Variants in LHFPL6 observed in about 807,000 individuals in gnomAD.
LHFPL6 encodes the protein LHFPL tetraspan subfamily member 6, also known as LHFPL tetraspan subfamily member 6 protein.
LHFPL6 carries 9 observed loss-of-function variants against 20.6 expected under a neutral mutation model. That is an observed-to-expected ratio of 0.44 (90% CI 0.26 to 0.76). The LOEUF (loss-of-function observed/expected upper bound fraction) is 0.76. LHFPL6 is among the 30% of genes least tolerant of loss of function. LHFPL6 has a pLI of 0.20. For synonymous variants in LHFPL6, 105 were observed against 98.7 expected (o/e 1.06, Z -0.38); for missense variants, 218 against 253.5 (o/e 0.86, Z 0.95).
chr13:39,381,412 C>T (rs1870432814), intron 2 of LHFPL6, among the ~76,000 whole-genome samples: 1 of 152,156 alleles, frequency 6.6e-6, no homozygotes, highest in Non-Finnish European at 1.5e-5. Context: ...GATACTGTAA[C>T]CAGGGACCTT....
chr13:39,546,859 C>T (rs1870997145), intron 2 of LHFPL6, among the ~76,000 whole-genome samples: 1 of 152,058 alleles, frequency 6.6e-6, no homozygotes, highest in Non-Finnish European at 1.5e-5. Context: ...TCTCAAATCC[C>T]GTGCTGCACC....
At chr13:39,589,918 T>C (rs1382973333) in intron 2 of LHFPL6, among the ~76,000 whole-genome samples, 2 of 152,198 alleles carry the variant, frequency 1.3e-5, no homozygotes, top group Non-Finnish European at 2.9e-5. Context: ...GGCAAAAAGT[T>C]ACTATATCAT....
rs34788149 is a variant in LHFPL6, at chr13:39,431,717, TGG to T, written c.386-53193_386-53192del. ...TAAGCCAAAAGCCCTGTAGAATTTGTGGGGGGGGGGGGCTTCCTCTCATATTC... is the reference window on the plus strand; with the variant it reads ...TAAGCCAAAAGCCCTGTAGAATTTGTGGGGGGGGGGCTTCCTCTCATATTC... On this transcript the variant is annotated intron_variant, in intron 2 of 3. Transcript: ENST00000379589. Among the ~76,000 whole-genome samples, 958 of 95,960 alleles carry T rather than the reference TGG, an allele frequency of 1.0e-2. 44 individuals carry two copies. The highest frequency in any genetic ancestry group is 0.035 in the African/African-American group (868 of 24,476). The allele number at this position is 95,960 out of a possible 152,430, so 63.0% of individuals were successfully genotyped here. A position where few individuals can be genotyped will look rare whatever the true frequency, so the allele number is the denominator to read the frequency against.
At chr13:39,602,052 G>C (rs1354511100) in intron 1 of LHFPL6, among the ~76,000 whole-genome samples, 1 of 152,076 alleles carries the variant, frequency 6.6e-6, no homozygotes, top group Non-Finnish European at 1.5e-5. Flanking sequence ...CTGCAGTTTT[G>C]ATTCATTGAT....
At chr13:39,553,003 A>C (rs1333494078) in intron 2 of LHFPL6, among the ~76,000 whole-genome samples, 4 of 152,224 alleles carry the variant, frequency 2.6e-5, no homozygotes, top group African/African-American at 9.6e-5. Flanking sequence ...TCTGAATAAA[A>C]GAGAAAAAAA....
At chr13:39,553,168 T>C (rs1202413736) in intron 2 of LHFPL6, among the ~76,000 whole-genome samples, 1 of 152,202 alleles carries the variant, frequency 6.6e-6, no homozygotes, top group African/African-American at 2.4e-5. Flanking sequence ...TTAGTCTTCA[T>C]GGGAAAGCAC....
At chr13:39,381,570 C>T (rs1870437078) in intron 2 of LHFPL6, among the ~76,000 whole-genome samples, 1 of 152,142 alleles carries the variant, frequency 6.6e-6, no homozygotes, top group Non-Finnish European at 1.5e-5. Flanking sequence ...AACCCCATGG[C>T]AGAATCCTCC....
At chr13:39,555,201 C>A (rs1333987063) in intron 2 of LHFPL6, among the ~76,000 whole-genome samples, 2 of 152,098 alleles carry the variant, frequency 1.3e-5, no homozygotes, top group African/African-American at 4.8e-5. Context: ...GAATCAGGAC[C>A]CAGAGGTGCT....
At chr13:39,555,476 C>A (rs914444364) in intron 2 of LHFPL6, among the ~76,000 whole-genome samples, 3 of 152,180 alleles carry the variant, frequency 2.0e-5, no homozygotes, top group Admixed American at 2.0e-4. Flanking sequence ...TAACAACAAA[C>A]ACGGTGACTC....
intron 2 of LHFPL6, among the ~76,000 whole-genome samples, chr13:39,443,631 C>A (rs1872200596): frequency 6.6e-6 from 1 of 151,978 alleles, no homozygotes; most frequent in Non-Finnish European, 1.5e-5. Flanking sequence ...CTTAACTGGT[C>A]ATGGTCAGAA....
In LHFPL6 at chr13:39,480,122, G is replaced by A. The variant is rs576253392; in HGVS notation, c.386-101596C>T. On this transcript the variant is annotated intron_variant, in intron 2 of 3. Transcript: ENST00000379589. ...CATGAATAACCCCCATTAATATTTT[G>A]GCACAGATTCTTCCATGTGCCAGTT... Among the ~76,000 whole-genome samples, 10 of 152,176 alleles carry A rather than the reference G, an allele frequency of 6.6e-5. No homozygotes were observed. The East Asian group carries it at 1.9e-3, about 29-fold the overall frequency.
chr13:39,381,158 A>G (rs1355560353), intron 2 of LHFPL6, among the ~76,000 whole-genome samples: 1 of 152,196 alleles, frequency 6.6e-6, no homozygotes, highest in Non-Finnish European at 1.5e-5. Flanking sequence ...GACTTAAGCC[A>G]TCAGTAATTT....
intron 2 of LHFPL6, among the ~76,000 whole-genome samples, chr13:39,545,434 A>T (rs1479198252): frequency 1.3e-5 from 2 of 152,028 alleles, no homozygotes; most frequent in African/African-American, 4.8e-5. Context: ...ACAGACAGTA[A>T]GTGGCTCTGA....
In LHFPL6 at chr13:39,512,367, C is replaced by T. The variant is rs573659651; in HGVS notation, c.385+88465G>A. On this transcript the variant is annotated intron_variant, in intron 2 of 3. Transcript: ENST00000379589. The stretch of plus-strand genomic sequence containing the variant: ...CCTGTAATCCCAGCACTTTGGGAGG[C>T]GGAGGCGTGTGGATCACGAGGTCAG... 2.1e-4 allele frequency among the ~76,000 whole-genome samples: 32 copies of T among 152,242 alleles called. 1 individual carries two copies. In the South Asian group the frequency reaches 6.4e-3, roughly 31 times the overall value.
intron 2 of LHFPL6, among the ~76,000 whole-genome samples, chr13:39,530,589 G>A (rs1317706046): frequency 6.6e-6 from 1 of 152,060 alleles, no homozygotes; most frequent in African/African-American, 2.4e-5. Flanking sequence ...TGCACAACTC[G>A]TAAGTCCTAA....
chr13:39,449,317 T>C (rs1007779836), intron 2 of LHFPL6, among the ~76,000 whole-genome samples: 2 of 152,212 alleles, frequency 1.3e-5, no homozygotes, highest in Admixed American at 1.3e-4. Context: ...GACAAATTAA[T>C]AAAGTAATAT....
At chr13:39,385,070 G>C (rs1566099314) in intron 2 of LHFPL6, among the ~76,000 whole-genome samples, 2 of 152,192 alleles carry the variant, frequency 1.3e-5, no homozygotes, top group Non-Finnish European at 2.9e-5. Context: ...GGGGTCATAA[G>C]TCAATCACAA....
chr13:39,489,019 C>CCA (rs1347336695), intron 2 of LHFPL6, among the ~76,000 whole-genome samples: 2 of 152,172 alleles, frequency 1.3e-5, no homozygotes, highest in African/African-American at 4.8e-5. Flanking sequence ...CCGCTTTACT[C>CCA]CACCTCACAA....
rs552103221 is a variant in LHFPL6, at chr13:39,415,336, C to A, written c.386-36810G>T. On this transcript the variant is annotated intron_variant, in intron 2 of 3. Transcript: ENST00000379589. ...ACTACTATATTGCCTCAGCCGATAA[C>A]TGAAGGAAAAGTAGTTCAGCAAAGT... is the stretch of plus-strand genomic sequence containing the variant. 4.6e-5 allele frequency among the ~76,000 whole-genome samples: 7 copies of A among 152,234 alleles called. No homozygotes were observed. The East Asian group carries it at 1.4e-3, about 29-fold the overall frequency.
Sources: allele counts gnomAD v4.1 joint callset (sites outside exome capture counted in the v4.1 genomes callset), GRCh38; gene constraint gnomAD v4.1.1; transcripts MANE v1.5; gene names NCBI Gene and HGNC (gene_info 2026-07-23, HGNC 2026-07-21).